Variants in WDR76 observed in about 807,000 individuals in gnomAD.
The protein encoded by WDR76 is WD repeat-containing protein 76.
WDR76 carries 52 observed loss-of-function variants against 70.2 expected under a neutral mutation model. The observed-to-expected ratio is 0.74, with a 90% CI of 0.59 to 0.93. WDR76 has a LOEUF of 0.93. Among genes scored for constraint, WDR76 ranks in the 40% least tolerant of loss-of-function variants. The probability of loss-of-function intolerance (pLI) is 0.00; values close to 1 mark genes in which losing one functional copy is unlikely to be tolerated. For missense variants in WDR76, 756 were observed against 760.2 expected, an observed-to-expected ratio of 0.99 and a Z score of 0.07; for synonymous variants, 292 against 271.1, an observed-to-expected ratio of 1.08 and a Z score of -0.76.
intron 8 of WDR76, among the ~76,000 whole-genome samples, chr15:43,846,979 G>A (rs955665459): frequency 3.5e-5 from 5 of 141,070 alleles, no homozygotes; most frequent in Admixed American, 3.1e-4. Flanking sequence ...CCGAGATGGC[G>A]CCATTGCACT....
chr15:43,850,903 AAAGTT>A (rs1421029671), intron 8 of WDR76, among the ~76,000 whole-genome samples, 179 bp from the exon 9 acceptor site: 7 of 152,222 alleles, frequency 4.6e-5, no homozygotes, highest in African/African-American at 1.7e-4. Flanking sequence ...AAACTAGAAA[AAAGTT>A]AATGACAAGA....
chr15:43,834,911 A>G (rs2087636016), intron 2 of WDR76, 150 bp from the exon 3 acceptor site: 1 of 681,768 alleles, frequency 1.5e-6, no homozygotes, highest in Non-Finnish European at 2.4e-6. Context: ...CCAATTCAGC[A>G]AACGTCTGTT....
chr15:43,835,505 G>C (rs1252356130), intron 3 of WDR76, among the ~76,000 whole-genome samples: 1 of 99,868 alleles, frequency 1.0e-5, no homozygotes, highest in Admixed American at 1.0e-4. Flanking sequence ...GCAACAACAA[G>C]AGCCGTAAAA....
At chr15:43,856,693 T>C (rs778347108) in intron 9 of WDR76, among the ~76,000 whole-genome samples, 5 of 152,036 alleles carry the variant, frequency 3.3e-5, no homozygotes, top group African/African-American at 4.8e-5. Flanking sequence ...CAGTGTATTG[T>C]ATATTTTAAA....
intron 10 of WDR76, 56 bp from the exon 11 acceptor site, chr15:43,858,615 G>GTAATGAACCTCTTT: frequency 6.3e-7 from 1 of 1,589,878 alleles, no homozygotes; most frequent in Non-Finnish European, 8.6e-7. Flanking sequence ...TAGCCCTGTT[G>GTAATGAACCTCTTT]TAGAGGTTCA....
chr15:43,839,469 G>A (rs2087695987), intron 4 of WDR76, 136 bp from the exon 5 acceptor site: 2 of 877,440 alleles, frequency 2.3e-6, no homozygotes, highest in South Asian at 3.2e-5. Flanking sequence ...TAAGATAATT[G>A]TGGCCATGTA....
chr15:43,834,011 G>A (rs2087624650), intron 2 of WDR76, among the ~76,000 whole-genome samples: 1 of 152,126 alleles, frequency 6.6e-6, no homozygotes, highest in Non-Finnish European at 1.5e-5. Flanking sequence ...ATTGGATATT[G>A]GACCTCTAAG....
chr15:43,850,278 T>TTTTATTTTAA (rs2087840606), intron 8 of WDR76, among the ~76,000 whole-genome samples: 1 of 149,370 alleles, frequency 6.7e-6, no homozygotes, highest in East Asian at 2.0e-4. Flanking sequence ...TTTTATTTTA[T>TTTTATTTTAA]TTTATTTTAT....
At chr15:43,832,369 G>A (rs1186247883) in intron 2 of WDR76, among the ~76,000 whole-genome samples, 2 of 151,930 alleles carry the variant, frequency 1.3e-5, no homozygotes, top group Non-Finnish European at 2.9e-5. Context: ...GGGTGACAGA[G>A]TGAGACGCTA....
At chr15:43,837,689 A>C (rs1263283352) in intron 4 of WDR76, among the ~76,000 whole-genome samples, 1 of 152,114 alleles carries the variant, frequency 6.6e-6, no homozygotes, top group Non-Finnish European at 1.5e-5. Context: ...AAAATTATTA[A>C]ATATACATAT....
chr15:43,831,391 G>A (rs961857372), intron 2 of WDR76, among the ~76,000 whole-genome samples: 12 of 151,662 alleles, frequency 7.9e-5, no homozygotes, highest in African/African-American at 2.7e-4. Context: ...TGCCCACCTC[G>A]GCCTCCCAAA....
chr15:43,836,633 G>A (rs1172397558), intron 4 of WDR76, among the ~76,000 whole-genome samples: 1 of 152,096 alleles, frequency 6.6e-6, no homozygotes, highest in Non-Finnish European at 1.5e-5. Flanking sequence ...GAAACATACT[G>A]CAGTGATCTA....
Position 43,846,879 on chromosome 15 carries a change from G to A in WDR76, c.1032+2825G>A, listed in dbSNP as rs372346914. Reference sequence around the variant, plus strand: ...CTCTACTAAAGATACAAAATTAGCCGGGCATGGTGGCACATGCCTGTAATC... The same window carrying A: ...CTCTACTAAAGATACAAAATTAGCCAGGCATGGTGGCACATGCCTGTAATC... On this transcript the variant is annotated intron_variant, in intron 8 of 12. Transcript: ENST00000263795. 2.6e-5 allele frequency among the ~76,000 whole-genome samples: 4 copies of A among 151,910 alleles called. No homozygotes were observed. In the East Asian group the frequency reaches 5.8e-4, roughly 22 times the overall value.
At chr15:43,836,010 A>G (rs931160633) in intron 3 of WDR76, 151 bp from the exon 4 acceptor site, 12 of 542,280 alleles carry the variant, frequency 2.2e-5, no homozygotes, top group Admixed American at 2.0e-4. Context: ...GCTGGAGTAC[A>G]GTGGCGCTGA....
chr15:43,836,111 A>G, intron 3 of WDR76, 50 bp from the exon 4 acceptor site: 1 of 1,535,572 alleles, frequency 6.5e-7, no homozygotes, highest in Non-Finnish European at 8.8e-7. Flanking sequence ...ATATTTTAAA[A>G]GGTAAGATAC....
chr15:43,840,520 A>G (rs1161985436), intron 5 of WDR76, among the ~76,000 whole-genome samples: 1 of 152,202 alleles, frequency 6.6e-6, no homozygotes, highest in Non-Finnish European at 1.5e-5. Flanking sequence ...AATATTTTTT[A>G]TTCAAGAACA....
chr15:43,843,773 T>C, intron 7 of WDR76, 128 bp from the exon 8 acceptor site: 2 of 817,136 alleles, frequency 2.4e-6, no homozygotes, highest in Non-Finnish European at 3.6e-6. Flanking sequence ...ATTTCCTTGG[T>C]TACCAGGAGA....
rs762568717 is a variant in WDR76 at position 43,835,146 on chromosome 15, C to G, written c.548C>G (p.Ser183Cys). The G allele has an allele frequency of 9.3e-6, 15 of 1,613,974 alleles. No individual in the cohort carries two copies. The South Asian group carries it at 1.6e-4, about 18-fold the overall frequency. The change falls in exon 3 of 13, where the codon TCT becomes TGT. Residue 183 changes from serine to cysteine, a missense_variant. Coordinates refer to ENST00000263795, the MANE Select transcript of WDR76 (RefSeq NM_024908.4). ...GACTTTTTTGCTTCTCTTCAGTTGT[C>G]TGAGGTTTGTGTGGAGTCTATTTAA... ...NADFFASLQL[S>C]ESAARLREMI...
intron 12 of WDR76, among the ~76,000 whole-genome samples, chr15:43,862,276 C>CTTTTTTTTTTTTTTTTT: frequency 2.4e-5 from 1 of 42,154 alleles, no homozygotes; most frequent in African/African-American, 9.5e-5. Context: ...TTATCAGTTT[C>CTTTTTTTTTTTTTTTTT]TTTTTTTTTT....
Sources: allele counts gnomAD v4.1 joint callset (sites outside exome capture counted in the v4.1 genomes callset), GRCh38; gene constraint gnomAD v4.1.1; transcripts MANE v1.5; gene names NCBI Gene and HGNC (gene_info 2026-07-23, HGNC 2026-07-21).